COL11A2: variants seen among roughly 807,000 people sequenced by gnomAD.
COL11A2 encodes collagen alpha-2(XI) chain.
COL11A2 carries 116 observed loss-of-function variants against 273.4 expected under a neutral mutation model. The observed-to-expected ratio is 0.42, with a 90% CI of 0.36 to 0.49. The LOEUF is 0.49. COL11A2 is among the 20% of genes least tolerant of loss of function. The pLI is 0.00. For missense variants in COL11A2, 1,866 were observed against 2,309.0 expected (o/e 0.81, Z 3.93); for synonymous variants, 782 against 864.2 (o/e 0.90, Z 1.67).
Position 33,164,588 on chromosome 6 carries a change from T to C in COL11A2, c.4864-115A>G, listed in dbSNP as rs28711386. On this transcript the variant is annotated intron_variant, in intron 64 of 65. Transcript: ENST00000341947. This position sits in a 1 kb window ranked among gnomAD's most constrained non-coding sequence, Gnocchi z 4.7. ...CACCAGGACAGCTGAGCCAGAGTCA[T>C]GAGCAGGGAATGGCTGGAAGGCAAG... 0.055 allele frequency: 51,386 copies of C among 942,258 alleles called. 3,018 individuals carry two copies. The highest frequency in any genetic ancestry group is 0.26 in the African/African-American group (15,571 of 60,074). The allele number at this position is 942,258 out of a possible 1,614,324, so 58.4% of individuals were successfully genotyped here. A position where few individuals can be genotyped will look rare whatever the true frequency, so the allele number is the denominator to read the frequency against.
chr6:33,174,119 C>A (rs1237788209), intron 32 of COL11A2, 46 bp downstream of exon 32: 3 of 1,609,500 alleles, frequency 1.9e-6, no homozygotes, highest in Non-Finnish European at 2.5e-6. Context: ...CCCCTCTACA[C>A]CTCTCCAGCC....
At chr6:33,191,925 T>C (rs1773159971) in intron 1 of COL11A2, among the ~76,000 whole-genome samples, 1 of 152,206 alleles carries the variant, frequency 6.6e-6, no homozygotes, top group East Asian at 1.9e-4. Flanking sequence ...GTCTCTAAAG[T>C]GGTCCTCCAC....
chr6:33,174,328 G>A (rs922571228), intron 31 of COL11A2, 110 bp from the exon 32 acceptor site: 1 of 1,465,434 alleles, frequency 6.8e-7, no homozygotes, highest in South Asian at 1.2e-5. Flanking sequence ...GGAGACCCGA[G>A]CTCTGCCAAG....
At position 33,178,322 on chromosome 6, in the gene COL11A2, G is replaced by T. The variant is rs1337111899; in HGVS notation, c.1804C>A (p.Leu602Met). 6.2e-7 allele frequency: 1 copy of T among 1,612,620 alleles called. No homozygotes were observed. The highest frequency in any genetic ancestry group is 1.1e-5 in the South Asian group (1 of 91,074). Residue 602 changes from leucine (L) to methionine (M), a missense_variant, in exon 20 of 66, where the codon CTG (leucine) becomes ATG (methionine). Coordinates refer to ENST00000341947, the MANE Select transcript of COL11A2 (RefSeq NM_080680.3). The surrounding 1 kb of genome is among the most constrained non-coding windows in gnomAD (Gnocchi z 4.6). Reference protein sequence around the residue: ...GDDGEIGPRGLPGESGPRGLL... With the variant: ...GDDGEIGPRGMPGESGPRGLL... ...TGGACACTCACCGACTCTCCAGGCA[G>T]CCCTCGAGGCCCAATCTCCCCGTCA...
chr6:33,185,429 G>A (rs1294432006), intron 6 of COL11A2, among the ~76,000 whole-genome samples: 1 of 152,166 alleles, frequency 6.6e-6, no homozygotes, highest in East Asian at 1.9e-4. Flanking sequence ...TGGTGAGGGG[G>A]ACGCCTGCCA....
chr6:33,181,031 G>A (rs772571743), intron 9 of COL11A2, 26 bp from the exon 10 acceptor site: 4 of 1,614,050 alleles, frequency 2.5e-6, no homozygotes, highest in Admixed American at 3.3e-5. Flanking sequence ...TTAAAAATCA[G>A]AGGCGACAGG....
Position 33,180,331 on chromosome 6 carries a change from C to A in COL11A2, c.1286G>T (p.Gly429Val). 6.2e-7 allele frequency: 1 copy of A among 1,612,294 alleles called. No homozygotes were observed. Among genetic ancestry groups the A allele is most frequent in the Non-Finnish European group, 8.5e-7 (1 of 1,179,850 alleles). ...AGGGAGCCCTGCTCGGCCAGGGGGG[C>A]CCTGGAGTGGGAAGAGAATGCAAAA... The part of the protein sequence containing the change: ...PGPVGDPGER[G>V]PPGRAGLPGS... The change falls in exon 12 of 66, where the codon GGC becomes GTC. Residue 429 changes from glycine to valine, a missense_variant and splice_region_variant. Coordinates refer to ENST00000341947, the MANE Select transcript of COL11A2 (RefSeq NM_080680.3).
At position 33,172,141 on chromosome 6, in the gene COL11A2, A is replaced by G. The variant is rs753677772; in HGVS notation, c.2989-38T>C. The G allele has an allele frequency of 2.5e-6, 4 of 1,612,076 alleles. No homozygotes were observed. In the South Asian group the frequency reaches 4.4e-5, roughly 18 times the overall value. On this transcript the variant is annotated intron_variant, in intron 40 of 65. Coordinates refer to ENST00000341947, the MANE Select transcript of COL11A2 (RefSeq NM_080680.3). Reference sequence around the variant, plus strand: ...CATTTGGGGAAGATGAGACTTCACGAAAAGAGAAGGGTGAGAGCTGGAGAG... The same window carrying G: ...CATTTGGGGAAGATGAGACTTCACGGAAAGAGAAGGGTGAGAGCTGGAGAG...
Position 33,173,430 on chromosome 6 carries a change from T to C in COL11A2, c.2683-29A>G. 6.2e-7 allele frequency: 1 copy of C among 1,612,550 alleles called. No homozygotes were observed. The highest frequency in any genetic ancestry group is 8.5e-7 in the Non-Finnish European group (1 of 1,179,402). On this transcript the variant is annotated intron_variant, in intron 36 of 65. Transcript: ENST00000341947. The surrounding 1 kb of genome is among the most constrained non-coding windows in gnomAD (Gnocchi z 6.3). ...GAAGGGGTTCAGTTGTCAGGTGAAC[T>C]CTCAGCTGGAAAGCAGGTAGGGAAG...
chr6:33,182,821 T>A (rs558241525), intron 8 of COL11A2, among the ~76,000 whole-genome samples: 50 of 151,984 alleles, frequency 3.3e-4, no homozygotes, highest in Admixed American at 6.5e-4. Context: ...TCCACTCAGA[T>A]ACCTGTTCCC....
chr6:33,164,144 G>A lies in COL11A2; in HGVS notation c.5070+123C>T. The A allele has an allele frequency of 1.7e-6, 2 of 1,196,774 alleles. No individual in the cohort carries two copies. Among genetic ancestry groups the A allele is most frequent in the Non-Finnish European group, 2.3e-6 (2 of 856,678 alleles). The allele number at this position is 1,196,774 out of a possible 1,614,324, so 74.1% of individuals were successfully genotyped here. Reference sequence around the variant, plus strand: ...CTTTTGAGCTCCCTCAGGCATCCCTGACAATCCAGCAGGACGGACTCCTCC... The same window carrying A: ...CTTTTGAGCTCCCTCAGGCATCCCTAACAATCCAGCAGGACGGACTCCTCC... On this transcript the variant is annotated intron_variant, in intron 65 of 65. Transcript: ENST00000341947. The surrounding 1 kb of genome is among the most constrained non-coding windows in gnomAD (Gnocchi z 4.7).
intron 40 of COL11A2, 65 bp downstream of exon 40, chr6:33,172,224 G>A: frequency 1.3e-6 from 2 of 1,570,774 alleles, no homozygotes; most frequent in Non-Finnish European, 1.7e-6. Context: ...TCAGGGACAG[G>A]GTCGGGGTGG....
Position 33,189,361 on chromosome 6 carries a change from C to A in COL11A2, c.191G>T (p.Arg64Leu). ...CPADVAYRVA[R>L]PAQLSAPTRQ... Reference sequence around the variant, plus strand: ...AGTGGGTGCACTGAGCTGGGCAGGTCGTGCCACTCGGTAGGCCACATCAGC... The same window carrying A: ...AGTGGGTGCACTGAGCTGGGCAGGTAGTGCCACTCGGTAGGCCACATCAGC... The change falls in exon 2 of 66, where the codon CGA becomes CTA. Residue 64 changes from arginine to leucine, a missense_variant. Arg to Leu is a moderately radical substitution (Grantham distance 102, BLOSUM62 -2). Coordinates refer to ENST00000341947, the MANE Select transcript of COL11A2 (RefSeq NM_080680.3). This position sits in a 1 kb window ranked among gnomAD's most constrained non-coding sequence, Gnocchi z 5.6. The A allele has an allele frequency of 6.2e-7, 1 of 1,613,438 alleles. No homozygotes were observed. Among genetic ancestry groups the A allele is most frequent in the Non-Finnish European group, 8.5e-7 (1 of 1,180,030 alleles).
rs1769239502 is a variant in COL11A2, at chr6:33,166,937, C to T, written c.4231-110G>A. On this transcript the variant is annotated intron_variant, in intron 58 of 65. Transcript: ENST00000341947. This position sits in a 1 kb window ranked among gnomAD's most constrained non-coding sequence, Gnocchi z 4.8. Reference sequence around the variant, plus strand: ...GCCGGGCACAGGGTCCGTGAGTGGCCCTCACTGAGCAGGGACTCCCTGGGA... The same window carrying T: ...GCCGGGCACAGGGTCCGTGAGTGGCTCTCACTGAGCAGGGACTCCCTGGGA... 1 of 1,507,158 alleles carries T rather than the reference C, an allele frequency of 6.6e-7. No homozygotes were observed. The highest frequency in any genetic ancestry group is 9.1e-7 in the Non-Finnish European group (1 of 1,098,780). The allele number at this position is 1,507,158 out of a possible 1,614,324, so 93.4% of individuals were successfully genotyped here.
Position 33,166,628 on chromosome 6 carries a change from C to T in COL11A2, c.4339-62G>A, listed in dbSNP as rs554694195. The T allele has an allele frequency of 3.9e-5, 63 of 1,611,550 alleles. No homozygotes were observed. Among genetic ancestry groups the T allele is most frequent in the African/African-American group, 9.3e-5 (7 of 74,898 alleles). On this transcript the variant is annotated intron_variant, in intron 59 of 65. Coordinates refer to ENST00000341947, the MANE Select transcript of COL11A2 (RefSeq NM_080680.3). This position sits in a 1 kb window ranked among gnomAD's most constrained non-coding sequence, Gnocchi z 4.8. ...TCCCACACCCTCCTGAGCACCTGCT[C>T]GCTTACCCACAGCTGAGTCCCAACT...
At position 33,165,508 on chromosome 6, in the gene COL11A2, C is replaced by T; in HGVS notation, c.4750+41G>A. On this transcript the variant is annotated intron_variant, in intron 63 of 65. Transcript: ENST00000341947. The surrounding 1 kb of genome is among the most constrained non-coding windows in gnomAD (Gnocchi z 7.7). Reference sequence around the variant, plus strand: ...CCATTCTGCTTGTTCAGTACCCATGCTGTTGGGGAGATGTTTGTGCACCCT... The same window carrying T: ...CCATTCTGCTTGTTCAGTACCCATGTTGTTGGGGAGATGTTTGTGCACCCT... 1.2e-6 allele frequency: 2 copies of T among 1,607,078 alleles called. No homozygotes were observed.
Position 33,178,045 on chromosome 6 carries a change from G to T in COL11A2, c.1872+87C>A. 1 of 1,342,630 alleles carries T rather than the reference G, an allele frequency of 7.4e-7. No homozygotes were observed. Among genetic ancestry groups the T allele is most frequent in the Middle Eastern group, 2.0e-4 (1 of 4,944 alleles). The allele number at this position is 1,342,630 out of a possible 1,614,324, so 83.2% of individuals were successfully genotyped here. Reference sequence around the variant, plus strand: ...GGGAATGGGAAGCATGCCGAGAGAGGAGAGGGAGCAGGAAGGCAGCTAGAA... The same window carrying T: ...GGGAATGGGAAGCATGCCGAGAGAGTAGAGGGAGCAGGAAGGCAGCTAGAA... On this transcript the variant is annotated intron_variant, in intron 21 of 65. Transcript: ENST00000341947. This position sits in a 1 kb window ranked among gnomAD's most constrained non-coding sequence, Gnocchi z 4.6.
In COL11A2 at chr6:33,177,903, G is replaced by T; in HGVS notation, c.1873-197C>A. The T allele has an allele frequency of 1.3e-6, 1 of 780,076 alleles. No homozygotes were observed. Among genetic ancestry groups the T allele is most frequent in the Non-Finnish European group, 2.1e-6 (1 of 473,756 alleles). 48.3% of individuals were successfully genotyped at this position (780,076 alleles called of 1,614,324 possible). On this transcript the variant is annotated intron_variant, in intron 21 of 65. Coordinates refer to ENST00000341947, the MANE Select transcript of COL11A2 (RefSeq NM_080680.3). This position sits in a 1 kb window ranked among gnomAD's most constrained non-coding sequence, Gnocchi z 5.9. ...TGTGGGCTTTGGTTTTGTTTTTCTT[G>T]AAGATTTATTTCCTATGCCCAGAGC...
chr6:33,178,870 C>T lies in COL11A2; in HGVS notation c.1665+50G>A. On this transcript the variant is annotated intron_variant, in intron 17 of 65. Coordinates refer to ENST00000341947, the MANE Select transcript of COL11A2 (RefSeq NM_080680.3). This position sits in a 1 kb window ranked among gnomAD's most constrained non-coding sequence, Gnocchi z 4.6. ...GTCATCCCCAAGAAACAACTGAGCC[C>T]AGCGTGGGCTGAAGGCTACAGGCTT... The T allele has an allele frequency of 6.2e-7, 1 of 1,612,244 alleles. No homozygotes were observed. The highest frequency in any genetic ancestry group is 8.5e-7 in the Non-Finnish European group (1 of 1,178,856).
Sources: gnomAD v4.1 joint callset for allele counts (sites outside exome capture counted in the v4.1 genomes callset) on GRCh38, gnomAD v4.1.1 for gene constraint, Gnocchi (gnomAD v3.1) non-coding constraint, MANE v1.5 for transcripts, NCBI Gene and HGNC (gene_info 2026-07-23, HGNC 2026-07-21) for gene names.